Variants in NEGR1 observed in about 807,000 individuals in gnomAD.
NEGR1 encodes IgLON family member 4.
Under a neutral mutation model 40.9 loss-of-function variants are expected in NEGR1, and 10 were observed. The observed-to-expected ratio is 0.24, with a 90% CI of 0.15 to 0.42. The LOEUF is 0.42. NEGR1 is among the 10% of genes least tolerant of loss of function. The pLI, the probability that NEGR1 is intolerant of heterozygous loss-of-function variation, is 1.00. For synonymous variants in NEGR1, 185 were observed against 166.8 expected (o/e 1.11, Z -0.84); for missense variants, 352 against 438.9 (o/e 0.80, Z 1.77).
intron 6 of NEGR1, among the ~76,000 whole-genome samples, chr1:71,553,122 T>TA (rs1648140020): frequency 1.3e-5 from 2 of 151,678 alleles, no homozygotes; most frequent in East Asian, 3.9e-4. Context: ...CTGCTGAGTA[T>TA]ATACTTTCTA....
intron 1 of NEGR1, among the ~76,000 whole-genome samples, chr1:72,155,110 G>A (rs895265255): frequency 6.6e-6 from 1 of 151,648 alleles, no homozygotes; most frequent in Non-Finnish European, 1.5e-5. Flanking sequence ...ACAGTTTCAC[G>A]GTGTACCAGA....
rs189114194 is a variant in NEGR1, at chr1:71,817,486, A to T, written c.410-41189T>A. Among the ~76,000 whole-genome samples, 137 of 152,134 alleles carry T rather than the reference A, an allele frequency of 9.0e-4. 2 individuals are homozygous for T. Among genetic ancestry groups the T allele is most frequent in the Admixed American group, 9.0e-3 (137 of 15,254 alleles). On this transcript the variant is annotated intron_variant, in intron 2 of 6. Transcript: ENST00000357731. ...TTTCATAGGCGCTATTCCCTAATAA[A>T]CATCTTACATGCAAACCCAGCATCT... is the stretch of plus-strand genomic sequence containing the variant.
At chr1:71,687,526 T>C (rs1335587986) in intron 4 of NEGR1, among the ~76,000 whole-genome samples, 1 of 152,206 alleles carries the variant, frequency 6.6e-6, no homozygotes, top group Non-Finnish European at 1.5e-5. Flanking sequence ...ACAAAAGCTC[T>C]TATTTCACAC....
chr1:72,061,270 T>G (rs776487137), intron 1 of NEGR1, among the ~76,000 whole-genome samples: 1 of 151,844 alleles, frequency 6.6e-6, no homozygotes, highest in African/African-American at 2.4e-5. Flanking sequence ...AGTGACCTAA[T>G]TAACATCTGA....
At chr1:71,946,029 G>T (rs1374892423) in intron 1 of NEGR1, among the ~76,000 whole-genome samples, 2 of 151,918 alleles carry the variant, frequency 1.3e-5, no homozygotes, top group African/African-American at 2.4e-5. Flanking sequence ...TAAGTAAAGG[G>T]TTACCAATTC....
chr1:71,772,749 C>T (rs2125777), intron 3 of NEGR1, among the ~76,000 whole-genome samples: 113,076 of 151,520 alleles, frequency 0.75, 44,068 homozygotes, highest in East Asian at 0.86. Context: ...ATAACAAAGG[C>T]CAAGATGTAT....
chr1:71,872,375 T>C (rs1660303567), intron 2 of NEGR1, among the ~76,000 whole-genome samples: 1 of 152,190 alleles, frequency 6.6e-6, no homozygotes, highest in Non-Finnish European at 1.5e-5. Flanking sequence ...TATTGTGTTG[T>C]AGACGTTAAC....
intron 3 of NEGR1, among the ~76,000 whole-genome samples, chr1:71,735,334 A>C (rs1207838791): frequency 2.6e-5 from 4 of 152,114 alleles, no homozygotes; most frequent in African/African-American, 4.8e-5. Context: ...TTTTACCTCG[A>C]TAGTGATTTT....
At chr1:72,198,371 T>C (rs879565944) in intron 1 of NEGR1, among the ~76,000 whole-genome samples, 3 of 152,084 alleles carry the variant, frequency 2.0e-5, no homozygotes, top group Non-Finnish European at 4.4e-5. Context: ...ACTTAAGCCA[T>C]GAGACAACTT....
intron 1 of NEGR1, among the ~76,000 whole-genome samples, chr1:72,247,602 C>T (rs1654942872): frequency 6.6e-6 from 1 of 152,162 alleles, no homozygotes; most frequent in Admixed American, 6.5e-5. Flanking sequence ...TGAGACCTCA[C>T]CATCTTGGTC....
chr1:71,774,873 A>C (rs1176630054), intron 3 of NEGR1, among the ~76,000 whole-genome samples: 1 of 152,188 alleles, frequency 6.6e-6, no homozygotes, highest in Non-Finnish European at 1.5e-5. Flanking sequence ...GATGATGACT[A>C]AGGTCGACTT....
intron 1 of NEGR1, among the ~76,000 whole-genome samples, chr1:72,100,300 C>T (rs1313907294): frequency 3.9e-4 from 60 of 152,150 alleles, no homozygotes; most frequent in Admixed American, 3.8e-3. Context: ...GAGAAAACCA[C>T]ATACATGCAT....
At position 71,473,274 on chromosome 1, in the gene NEGR1, A is replaced by G. The variant is rs1480668313; in HGVS notation, c.941-65704T>C. On this transcript the variant is annotated intron_variant, in intron 6 of 6. Coordinates refer to ENST00000357731, the MANE Select transcript of NEGR1 (RefSeq NM_173808.3). Reference sequence around the variant, plus strand: ...TAATGAACTTGCAAAGAAGTATAAGAAGAAGATCTTAAAAGCTAACAGAAA... The same window carrying G: ...TAATGAACTTGCAAAGAAGTATAAGGAGAAGATCTTAAAAGCTAACAGAAA... Among the ~76,000 whole-genome samples, 5 of 152,268 alleles carry G rather than the reference A, an allele frequency of 3.3e-5. No homozygotes were observed. In the East Asian group the frequency reaches 9.7e-4, roughly 29 times the overall value.
intron 4 of NEGR1, among the ~76,000 whole-genome samples, chr1:71,643,464 T>G (rs1651423540): frequency 1.3e-5 from 2 of 152,154 alleles, no homozygotes; most frequent in South Asian, 4.1e-4. Flanking sequence ...GATACATAGT[T>G]CATTGACTTT....
intron 1 of NEGR1, among the ~76,000 whole-genome samples, chr1:72,212,363 C>T (rs939664986): frequency 1.1e-4 from 16 of 151,834 alleles, no homozygotes; most frequent in African/African-American, 3.9e-4. Flanking sequence ...GCAGATGGCT[C>T]ATTGGTTAAG....
intron 2 of NEGR1, among the ~76,000 whole-genome samples, chr1:71,782,470 T>G (rs1046470211): frequency 4.6e-5 from 7 of 152,198 alleles, no homozygotes; most frequent in African/African-American, 1.4e-4. Flanking sequence ...CTTGTGATAG[T>G]TTTCTTTGCA....
chr1:71,958,925 A>C (rs944512975), intron 1 of NEGR1, among the ~76,000 whole-genome samples: 1 of 149,484 alleles, frequency 6.7e-6, no homozygotes, highest in Non-Finnish European at 1.5e-5. Context: ...ACTGCACTCC[A>C]GCCTGGGCAA....
At chr1:72,106,555 T>G (rs1358190566) in intron 1 of NEGR1, among the ~76,000 whole-genome samples, 1 of 152,020 alleles carries the variant, frequency 6.6e-6, no homozygotes, top group East Asian at 1.9e-4. Flanking sequence ...AAAATGAACT[T>G]AAATTATAAG....
chr1:71,833,663 C>G (rs537541596), intron 2 of NEGR1, among the ~76,000 whole-genome samples: 2 of 151,984 alleles, frequency 1.3e-5, no homozygotes, highest in Admixed American at 1.3e-4. Context: ...GCACTTGACT[C>G]GGGCTTCTGA....
Sources: allele counts gnomAD v4.1 joint callset (sites outside exome capture counted in the v4.1 genomes callset), GRCh38; gene constraint gnomAD v4.1.1; transcripts MANE v1.5; gene names NCBI Gene and HGNC (gene_info 2026-07-23, HGNC 2026-07-21).